Variants in DLG2 observed in about 807,000 individuals in gnomAD.
DLG2 encodes discs large MAGUK scaffold protein 2, also known as disks large homolog 2.
In DLG2, 45 loss-of-function variants were observed where a neutral mutation model predicts 132.5. The ratio of observed to expected loss-of-function variants is 0.34; its 90% confidence interval spans 0.27 to 0.44. The LOEUF is 0.44. Ranked by LOEUF, DLG2 falls within the 20% of genes least tolerant of loss-of-function variation. DLG2 has a pLI of 1.00. For missense variants in DLG2, 1,045 were observed against 1,196.9 expected, an observed-to-expected ratio of 0.87 and a Z score of 1.87; for synonymous variants, 424 against 419.6, an observed-to-expected ratio of 1.01 and a Z score of -0.13.
At chr11:83,842,523 CAAAAA>C (rs771360645) in intron 16 of DLG2, among the ~76,000 whole-genome samples, 6,790 of 70,262 alleles carry the variant, frequency 0.097, 225 homozygotes, top group South Asian at 0.23. Flanking sequence ...GAACCTGTCT[CAAAAA>C]AAAAAAAAAA....
At chr11:84,942,045 G>A (rs1206452993) in intron 6 of DLG2, among the ~76,000 whole-genome samples, 1 of 152,074 alleles carries the variant, frequency 6.6e-6, no homozygotes. Flanking sequence ...GCATATAGAT[G>A]CTCATAGTAG....
At chr11:83,483,884 A>ATGTT (rs1050613883) in intron 22 of DLG2, among the ~76,000 whole-genome samples, 7 of 152,138 alleles carry the variant, frequency 4.6e-5, no homozygotes, top group African/African-American at 9.7e-5. Context: ...TCAAAGATAA[A>ATGTT]TGTTGGTTGG....
intron 16 of DLG2, among the ~76,000 whole-genome samples, chr11:83,835,645 A>G (rs1320907349): frequency 6.6e-6 from 1 of 152,198 alleles, no homozygotes; most frequent in Admixed American, 6.5e-5. Context: ...ATTGCTGAAT[A>G]ACAAGTTACC....
At chr11:84,404,392 T>C (rs1567544258) in intron 7 of DLG2, among the ~76,000 whole-genome samples, 1 of 152,294 alleles carries the variant, frequency 6.6e-6, no homozygotes, top group East Asian at 1.9e-4. Flanking sequence ...GAGAAGGCTT[T>C]CCTCAATCCC....
intron 7 of DLG2, among the ~76,000 whole-genome samples, chr11:84,305,574 C>T (rs2098207452): frequency 6.6e-6 from 1 of 152,072 alleles, no homozygotes; most frequent in South Asian, 2.1e-4. Flanking sequence ...TAGGGCATGC[C>T]AGTAAGAGAG....
chr11:85,392,601 T>C (rs286027), intron 3 of DLG2, among the ~76,000 whole-genome samples: 116,550 of 151,994 alleles, frequency 0.77, 45,245 homozygotes, highest in Middle Eastern at 0.86. Flanking sequence ...CAAAACAACA[T>C]GGTATTGGTA....
At position 83,757,980 on chromosome 11, in the gene DLG2, T is replaced by C. The variant is rs1255318738; in HGVS notation, c.1825+28710A>G. ...TTAATACAAACAAAGCTAACATCTG[T>C]GTCCACCAACTATAAGTCAAGGACA... is the stretch of plus-strand genomic sequence containing the variant. On this transcript the variant is annotated intron_variant, in intron 18 of 27. Coordinates refer to ENST00000376104, the MANE Select transcript of DLG2 (RefSeq NM_001142699.3). 4.6e-5 allele frequency among the ~76,000 whole-genome samples: 7 copies of C among 152,218 alleles called. 1 individual carries two copies. The highest frequency in any genetic ancestry group is 4.6e-4 in the Admixed American group (7 of 15,278).
chr11:84,444,291 T>C lies in DLG2; in HGVS notation c.519+90279A>G, dbSNP rs148715302. ...GCTGGGCTTATATCTAGGTGATGGGTTGGTGATCTGCGCAGCAAAACACCA... is the reference window on the plus strand; with the variant it reads ...GCTGGGCTTATATCTAGGTGATGGGCTGGTGATCTGCGCAGCAAAACACCA... On this transcript the variant is annotated intron_variant, in intron 7 of 27. Transcript: ENST00000376104. 2.2e-4 allele frequency among the ~76,000 whole-genome samples: 33 copies of C among 152,214 alleles called. No homozygotes were observed. In the East Asian group the frequency reaches 6.2e-3, roughly 29 times the overall value.
At chr11:85,060,503 A>G (rs536368864) in intron 6 of DLG2, among the ~76,000 whole-genome samples, 1 of 150,336 alleles carries the variant, frequency 6.7e-6, no homozygotes, top group East Asian at 2.0e-4. Context: ...ACGCATATGT[A>G]TATGTGTGTG....
At chr11:83,863,439 G>A (rs150476732) in intron 16 of DLG2, among the ~76,000 whole-genome samples, 1,837 of 152,194 alleles carry the variant, frequency 0.012, 34 homozygotes, top group Non-Finnish European at 0.015. Flanking sequence ...TCTCCTCAGG[G>A]TGTGTGAGAG....
At chr11:83,724,404 A>T (rs1319410661) in intron 18 of DLG2, among the ~76,000 whole-genome samples, 1 of 151,826 alleles carries the variant, frequency 6.6e-6, no homozygotes, top group East Asian at 1.9e-4. Context: ...GTATTGCTGG[A>T]ACCAATTTAA....
intron 6 of DLG2, among the ~76,000 whole-genome samples, chr11:85,076,916 T>C (rs561788680): frequency 1.3e-5 from 2 of 152,172 alleles, no homozygotes; most frequent in East Asian, 3.9e-4. Context: ...GACCTTGTCC[T>C]CAGAAACTCC....
At chr11:85,593,924 T>A (rs1353791681) in intron 3 of DLG2, among the ~76,000 whole-genome samples, 1 of 152,164 alleles carries the variant, frequency 6.6e-6, no homozygotes, top group Non-Finnish European at 1.5e-5. Context: ...CATAAGGGTA[T>A]TGACTGTCCT....
intron 9 of DLG2, among the ~76,000 whole-genome samples, chr11:84,112,555 GA>G (rs2093420086): frequency 1.3e-5 from 2 of 150,856 alleles, no homozygotes; most frequent in East Asian, 3.9e-4. Context: ...GATAACTAGA[GA>G]TTTTTTTCTG....
At chr11:85,350,779 G>C (rs2083228959) in intron 3 of DLG2, among the ~76,000 whole-genome samples, 1 of 152,124 alleles carries the variant, frequency 6.6e-6, no homozygotes, top group African/African-American at 2.4e-5. Context: ...TCTCTGTTTT[G>C]GTACCAGTAC....
At chr11:83,628,319 C>G (rs1566130985) in intron 19 of DLG2, among the ~76,000 whole-genome samples, 2 of 152,130 alleles carry the variant, frequency 1.3e-5, no homozygotes, top group South Asian at 4.1e-4. Flanking sequence ...AAAGTAAGCC[C>G]AGAGAAACTG....
At chr11:83,658,473 AAT>A (rs2073345715) in intron 18 of DLG2, among the ~76,000 whole-genome samples, 1 of 152,266 alleles carries the variant, frequency 6.6e-6, no homozygotes, top group African/African-American at 2.4e-5. Context: ...TGACAATGAT[AAT>A]AAACAGTTAT....
intron 18 of DLG2, among the ~76,000 whole-genome samples, chr11:83,739,379 C>T (rs1408465092): frequency 2.6e-5 from 4 of 152,016 alleles, no homozygotes; most frequent in Non-Finnish European, 5.9e-5. Context: ...AAATTGTTAA[C>T]AGAAACATGT....
intron 6 of DLG2, among the ~76,000 whole-genome samples, chr11:84,740,796 G>A (rs1024579470): frequency 6.6e-5 from 10 of 152,146 alleles, no homozygotes; most frequent in African/African-American, 1.4e-4. Flanking sequence ...CCCTGAGCCC[G>A]CCAATCTGTT....
Sources: gnomAD v4.1 joint callset for allele counts (sites outside exome capture counted in the v4.1 genomes callset) on GRCh38, gnomAD v4.1.1 for gene constraint, MANE v1.5 for transcripts, NCBI Gene and HGNC (gene_info 2026-07-23, HGNC 2026-07-21) for gene names.